CUX1: variants seen among roughly 807,000 people sequenced by gnomAD.
CUX1 encodes protein CASP.
In CUX1, 31 loss-of-function variants were observed where a neutral mutation model predicts 158.8. The observed-to-expected ratio is 0.20, with a 90% CI of 0.15 to 0.26. CUX1 has a LOEUF of 0.26. Ranked by LOEUF, CUX1 falls within the 10% of genes least tolerant of loss-of-function variation. The pLI, the probability that CUX1 is intolerant of heterozygous loss-of-function variation, is 1.00. For synonymous variants in CUX1, 879 were observed against 862.1 expected (o/e 1.02, Z -0.34); for missense variants, 1,589 against 2,014.6 (o/e 0.79, Z 4.04).
At chr7:102,076,050 C>T (rs1473126314) in intron 4 of CUX1, among the ~76,000 whole-genome samples, 1 of 151,720 alleles carries the variant, frequency 6.6e-6, no homozygotes, top group African/African-American at 2.4e-5. Context: ...TGGCTCCTCC[C>T]TCTTCTTCAT....
In CUX1 at chr7:101,990,174, C is replaced by T. The variant is rs574391772; in HGVS notation, c.142-37924C>T. On this transcript the variant is annotated intron_variant, in intron 2 of 23. Coordinates refer to ENST00000292535, the MANE Select transcript of CUX1 (RefSeq NM_181552.4). ...GGGATTTTGAGACCAGCCTGGACAA[C>T]ATGGTAAGACCCCATCTCTTAAGGA... 8.5e-4 allele frequency among the ~76,000 whole-genome samples: 129 copies of T among 151,674 alleles called. 1 individual carries two copies. Among genetic ancestry groups the T allele is most frequent in the Non-Finnish European group, 9.3e-4 (63 of 67,904 alleles).
intron 9 of CUX1, among the ~76,000 whole-genome samples, chr7:102,170,055 C>T: frequency 6.6e-6 from 1 of 152,224 alleles, no homozygotes; most frequent in East Asian, 1.9e-4. Context: ...CTTTAATTCA[C>T]TGTTTACCCG....
At chr7:101,996,004 C>CG (rs1815823161) in intron 2 of CUX1, among the ~76,000 whole-genome samples, 1 of 151,732 alleles carries the variant, frequency 6.6e-6, no homozygotes, top group Non-Finnish European at 1.5e-5. Flanking sequence ...CCCAGCTACT[C>CG]GGGAGGCTGA....
At chr7:101,898,929 A>ATACTGAGTGGCGTG (rs1801849553) in intron 1 of CUX1, among the ~76,000 whole-genome samples, 2 of 152,218 alleles carry the variant, frequency 1.3e-5, no homozygotes, top group East Asian at 3.9e-4. Flanking sequence ...GAAGAATAAC[A>ATACTGAGTGGCGTG]TACTGAGTGG....
chr7:102,275,227 C>A, intron 16 of CUX1: 1 of 1,576,282 alleles, frequency 6.3e-7, no homozygotes, highest in Admixed American at 1.8e-5. Flanking sequence ...CCCCCCAAGC[C>A]ACCCTCCTCT....
At position 101,914,368 on chromosome 7, in the gene CUX1, T is replaced by TTCCCTCCC. The variant is rs573449815; in HGVS notation, c.31-1728_31-1721dup. ...CCTTCCTTCTTCCTTCCTTCCTTCCTTCCCTCCCTCCCTCCCTCCCTCCCT... is the reference window on the plus strand; with the variant it reads ...CCTTCCTTCTTCCTTCCTTCCTTCCTTCCCTCCCTCCCTCCCTCCCTCCCTCCCTCCCT... On this transcript the variant is annotated intron_variant, in intron 1 of 23. Coordinates refer to ENST00000292535, the MANE Select transcript of CUX1 (RefSeq NM_181552.4). Among the ~76,000 whole-genome samples the TTCCCTCCC allele has an allele frequency of 1.3e-4, 16 of 126,598 alleles. No individual in the cohort carries two copies. The South Asian group carries it at 3.0e-3, about 24-fold the overall frequency. 83.1% of individuals were successfully genotyped at this position (126,598 alleles called of 152,430 possible).
chr7:102,214,742 G>A (rs1377814468), intron 20 of CUX1, among the ~76,000 whole-genome samples: 1 of 152,204 alleles, frequency 6.6e-6, no homozygotes, highest in African/African-American at 2.4e-5. Context: ...GGATAAGGAG[G>A]GGAGTTTCTT....
At position 102,248,766 on chromosome 7, in the gene CUX1, C is replaced by T; in HGVS notation, c.4242C>T (p.Pro1414=). The T allele has an allele frequency of 8.7e-6, 9 of 1,036,446 alleles. No individual in the cohort carries two copies. The highest frequency in any genetic ancestry group is 4.1e-5 in the South Asian group (1 of 24,276). The allele number at this position is 1,036,446 out of a possible 1,614,324, so 64.2% of individuals were successfully genotyped here. The part of the protein sequence containing the change: ...SPASATATAA[P]AAPEDAATSA... ...CCTCCGCGACCGCCACCGCCGCGCC[C>T]GCGGCCCCCGAGGACGCCGCTACCT... is the stretch of plus-strand genomic sequence containing the variant. The change falls in exon 24 of 24, where the codon CCC becomes CCT. Residue 1414 remains proline (P), a synonymous_variant. Coordinates refer to ENST00000292535, the MANE Select transcript of CUX1 (RefSeq NM_181552.4). This position sits in a 1 kb window ranked among gnomAD's most constrained non-coding sequence, Gnocchi z 5.8.
chr7:102,268,079 G>A (rs1380465062), intron 14 of CUX1, among the ~76,000 whole-genome samples: 1 of 152,102 alleles, frequency 6.6e-6, no homozygotes, highest in African/African-American at 2.4e-5. Flanking sequence ...AGTCTTTCCT[G>A]AGGGGAAGGG....
At chr7:101,897,154 G>C (rs550924111) in intron 1 of CUX1, among the ~76,000 whole-genome samples, 3 of 152,318 alleles carry the variant, frequency 2.0e-5, no homozygotes, top group Admixed American at 6.5e-5. Context: ...GTTTCATTTT[G>C]TTTTTAATGA....
chr7:102,132,828 C>A (rs1328771291), intron 8 of CUX1, among the ~76,000 whole-genome samples: 1 of 151,888 alleles, frequency 6.6e-6, no homozygotes, highest in Non-Finnish European at 1.5e-5. Flanking sequence ...CCCGCCACTA[C>A]ACCTGGCTAA....
chr7:101,982,858 C>T lies in CUX1; in HGVS notation c.142-45240C>T, dbSNP rs1183325406. ...TTTACATTAGGTATATCTCCTAATG[C>T]TATCCCTCCCCCCTCCCCCCACCCC... is the stretch of plus-strand genomic sequence containing the variant. On this transcript the variant is annotated intron_variant, in intron 2 of 23. Transcript: ENST00000292535. 2.7e-5 allele frequency among the ~76,000 whole-genome samples: 4 copies of T among 150,606 alleles called. No homozygotes were observed. The East Asian group carries it at 5.8e-4, about 22-fold the overall frequency.
At chr7:102,199,060 C>T (rs1293025293) in intron 16 of CUX1, among the ~76,000 whole-genome samples, 193 bp downstream of exon 16, 1 of 152,170 alleles carries the variant, frequency 6.6e-6, no homozygotes, top group Admixed American at 6.5e-5. Flanking sequence ...CTGCCCTCTC[C>T]CAAGCACAGG....
intron 20 of CUX1, among the ~76,000 whole-genome samples, chr7:102,219,564 GC>G (rs1185248470): frequency 6.6e-6 from 1 of 152,178 alleles, no homozygotes; most frequent in African/African-American, 2.4e-5. Context: ...CTTCGCGTCG[GC>G]CCCCCGCTGG....
intron 8 of CUX1, among the ~76,000 whole-genome samples, chr7:102,124,565 G>A (rs1832406065): frequency 6.6e-6 from 1 of 152,200 alleles, no homozygotes; most frequent in Non-Finnish European, 1.5e-5. Context: ...GTTACATTAA[G>A]TGAAATGAAC....
intron 1 of CUX1, among the ~76,000 whole-genome samples, chr7:101,834,268 G>A (rs1794391288): frequency 6.8e-6 from 1 of 147,272 alleles, no homozygotes; most frequent in Non-Finnish European, 1.5e-5. Context: ...CCGCCTCCTG[G>A]GTTCAAGCGA....
chr7:101,880,288 A>G (rs1332277946), intron 1 of CUX1, among the ~76,000 whole-genome samples: 1 of 152,130 alleles, frequency 6.6e-6, no homozygotes, highest in Admixed American at 6.6e-5. Context: ...CTCGTTGGCA[A>G]TTTCGGAAGT....
chr7:102,265,337 C>G (rs1271049799), intron 14 of CUX1, among the ~76,000 whole-genome samples: 7 of 135,632 alleles, frequency 5.2e-5, no homozygotes, highest in South Asian at 2.4e-4. Context: ...GCCTGGGCAA[C>G]AAGAGCAAAA....
intron 2 of CUX1, among the ~76,000 whole-genome samples, chr7:101,977,979 T>C (rs958195480): frequency 6.6e-6 from 1 of 151,712 alleles, no homozygotes; most frequent in African/African-American, 2.4e-5. Context: ...TTTTTTTCCC[T>C]GACCCCTGTC....
Sources: gnomAD v4.1 joint callset for allele counts (sites outside exome capture counted in the v4.1 genomes callset) on GRCh38, gnomAD v4.1.1 for gene constraint, Gnocchi (gnomAD v3.1) non-coding constraint, MANE v1.5 for transcripts, NCBI Gene and HGNC (gene_info 2026-07-23, HGNC 2026-07-21) for gene names.